The following ERG variants were observed in gnomAD, a reference collection of about 807,000 sequenced individuals.
ERG encodes transcriptional regulator ERG.
Under a neutral mutation model 55.3 loss-of-function variants are expected in ERG, and 9 were observed. That is an observed-to-expected ratio of 0.16 (90% CI 0.10 to 0.28). ERG has a LOEUF of 0.28. ERG is among the 10% of genes least tolerant of loss of function. The pLI is 1.00. For missense variants in ERG, 434 were observed against 631.6 expected, an observed-to-expected ratio of 0.69 and a Z score of 3.35; for synonymous variants, 223 against 237.3, an observed-to-expected ratio of 0.94 and a Z score of 0.55.
chr21:38,449,772 A>C (rs1601418743), intron 1 of ERG, among the ~76,000 whole-genome samples: 1 of 152,250 alleles, frequency 6.6e-6, no homozygotes, highest in Non-Finnish European at 1.5e-5. Flanking sequence ...CTTATAGCTC[A>C]TAAAAATATT....
At chr21:38,532,678 T>A (rs189926321) in intron 2 of ERG, among the ~76,000 whole-genome samples, 60 of 152,322 alleles carry the variant, frequency 3.9e-4, no homozygotes, top group African/African-American at 1.4e-3. Flanking sequence ...TTGCAATATT[T>A]TCAAGAGAAT....
intron 3 of ERG, 132 bp from the exon 4 acceptor site, chr21:38,403,841 TACCCA>T: frequency 1.2e-5 from 9 of 769,164 alleles, no homozygotes; most frequent in East Asian, 2.7e-5. Flanking sequence ...CCTCCCTGGC[TACCCA>T]GGAGAACATT....
At chr21:38,612,352 G>C (rs1426385756) in intron 1 of ERG, among the ~76,000 whole-genome samples, 1 of 151,744 alleles carries the variant, frequency 6.6e-6, no homozygotes, top group African/African-American at 2.4e-5. Flanking sequence ...TTAGCTTTTT[G>C]ATTAAAGCAT....
chr21:38,617,935 C>T (rs963561204), intron 1 of ERG, among the ~76,000 whole-genome samples: 5 of 152,144 alleles, frequency 3.3e-5, no homozygotes, highest in Non-Finnish European at 5.9e-5. Context: ...CAACAGATGA[C>T]AGAAGGAAGA....
intron 2 of ERG, among the ~76,000 whole-genome samples, chr21:38,506,019 G>C (rs1235844751): frequency 2.7e-5 from 1 of 36,408 alleles, no homozygotes; most frequent in Non-Finnish European, 5.1e-5. Flanking sequence ...TGCAGAAATG[G>C]TGTTTTTTTT....
chr21:38,407,884 AAT>A (rs1223004953), intron 3 of ERG, among the ~76,000 whole-genome samples: 9 of 147,602 alleles, frequency 6.1e-5, no homozygotes, highest in African/African-American at 2.0e-4. Context: ...TAAAATATAT[AAT>A]ATATATAGAA....
At chr21:38,532,241 T>A (rs949146984) in intron 2 of ERG, among the ~76,000 whole-genome samples, 6 of 152,182 alleles carry the variant, frequency 3.9e-5, no homozygotes, top group Non-Finnish European at 8.8e-5. Flanking sequence ...TAAACTGTTA[T>A]GTGAGTCCAG....
intron 1 of ERG, among the ~76,000 whole-genome samples, chr21:38,600,447 G>A (rs1366950889): frequency 2.0e-5 from 3 of 152,096 alleles, no homozygotes; most frequent in Non-Finnish European, 4.4e-5. Context: ...AGTGTCTCCC[G>A]GTCCCTGTTT....
chr21:38,583,842 G>A (rs758780416), intron 1 of ERG, among the ~76,000 whole-genome samples: 1 of 152,166 alleles, frequency 6.6e-6, no homozygotes, highest in Non-Finnish European at 1.5e-5. Context: ...GCCCTCAGAG[G>A]GAACCACTTG....
Position 38,380,173 on chromosome 21 carries a change from G to GCA in ERG, c.*3229_*3230insTG. On this transcript the variant is annotated 3_prime_UTR_variant, in exon 10 of 10. Coordinates refer to ENST00000288319, the MANE Select transcript of ERG (RefSeq NM_182918.4). The stretch of plus-strand genomic sequence containing the variant: ...CTTTCTCCAGGCAATGGGTCACTTT[G>GCA]GGGCGCTGCAGAACATCTGTGCTTT... 3 of 1,046,418 alleles carry GCA rather than the reference G, an allele frequency of 2.9e-6. No homozygotes were observed. The highest frequency in any genetic ancestry group is 3.5e-6 in the Non-Finnish European group (3 of 867,548). The allele number at this position is 1,046,418 out of a possible 1,614,324, so 64.8% of individuals were successfully genotyped here.
chr21:38,658,386 C>A (rs1212412537), intron 1 of ERG, among the ~76,000 whole-genome samples: 1 of 152,176 alleles, frequency 6.6e-6, no homozygotes, highest in African/African-American at 2.4e-5. Flanking sequence ...TAACAGGCAT[C>A]AGACATTTAT....
At chr21:38,372,406 C>T in the ERG span, among the ~76,000 whole-genome samples, 2 of 151,486 alleles carry the variant, frequency 1.3e-5, no homozygotes, top group African/African-American at 2.4e-5. Flanking sequence ...TGCCTTTTTG[C>T]CAACTTTTTA....
chr21:38,597,472 T>TACACACACACACACACACAC (rs3065420), intron 1 of ERG, among the ~76,000 whole-genome samples: 50 of 148,268 alleles, frequency 3.4e-4, no homozygotes, highest in South Asian at 1.1e-3. Context: ...TATATATATC[T>TACACACACACACACACACAC]ACACACACAC....
chr21:38,582,648 C>G (rs2060037272), intron 1 of ERG, among the ~76,000 whole-genome samples: 1 of 152,172 alleles, frequency 6.6e-6, no homozygotes, highest in African/African-American at 2.4e-5. Flanking sequence ...AAAACTCTCT[C>G]AAGGCTAGGC....
upstream of ERG, chr21:38,498,497 G>A (rs1019150907): frequency 4.1e-6 from 6 of 1,471,324 alleles, no homozygotes; most frequent in African/African-American, 7.3e-5. This position sits in a 1 kb window ranked among gnomAD's most constrained non-coding sequence, Gnocchi z 4.6. Flanking sequence ...CTAAGTCTGG[G>A]AAATGAAGTC....
intron 3 of ERG, among the ~76,000 whole-genome samples, chr21:38,408,883 C>A (rs1988906335): frequency 6.6e-6 from 1 of 152,174 alleles, no homozygotes; most frequent in South Asian, 2.1e-4. Flanking sequence ...TAGGTGCGAC[C>A]TTCTGCCCTA....
chr21:38,383,145 C>T lies in ERG; in HGVS notation c.*258G>A. On this transcript the variant is annotated 3_prime_UTR_variant, in exon 10 of 10. Transcript: ENST00000288319. The surrounding 1 kb of genome is among the most constrained non-coding windows in gnomAD (Gnocchi z 5.7). ...TTGTCCTTAAGACTTCATGCTTCTA[C>T]ATACACTGTCTTTTACAAGGTCAGT... 1 of 1,204,814 alleles carries T rather than the reference C, an allele frequency of 8.3e-7. No homozygotes were observed. Among genetic ancestry groups the T allele is most frequent in the Non-Finnish European group, 1.0e-6 (1 of 968,946 alleles). The allele number at this position is 1,204,814 out of a possible 1,614,324, so 74.6% of individuals were successfully genotyped here.
chr21:38,418,208 C>T (rs113554130), intron 3 of ERG, among the ~76,000 whole-genome samples: 33 of 151,922 alleles, frequency 2.2e-4, no homozygotes, highest in African/African-American at 7.2e-4. Flanking sequence ...AAATTACATA[C>T]ACAATAAGCA....
At chr21:38,559,973 A>T (rs1243067425) in intron 2 of ERG, among the ~76,000 whole-genome samples, 2 of 152,160 alleles carry the variant, frequency 1.3e-5, no homozygotes, top group Non-Finnish European at 2.9e-5. Flanking sequence ...GTGAGACACC[A>T]CACCCGGCCT....
Sources: allele counts gnomAD v4.1 joint callset (sites outside exome capture counted in the v4.1 genomes callset), GRCh38; gene constraint gnomAD v4.1.1; non-coding constraint Gnocchi (gnomAD v3.1); transcripts MANE v1.5; gene names NCBI Gene and HGNC (gene_info 2026-07-23, HGNC 2026-07-21).